P4HA2: variants seen among roughly 807,000 people sequenced by gnomAD.
The protein encoded by P4HA2 is prolyl 4-hydroxylase subunit alpha-2.
Under a neutral mutation model 76.9 loss-of-function variants are expected in P4HA2, and 46 were observed. The observed-to-expected ratio is 0.60, with a 90% confidence interval of 0.47 to 0.76. The LOEUF (loss-of-function observed/expected upper bound fraction) is 0.76, where lower values mean the gene tolerates loss of function less well. Among genes scored for constraint, P4HA2 ranks in the 30% least tolerant of loss-of-function variants. The pLI is 0.00. For synonymous variants in P4HA2, 243 were observed against 254.0 expected (o/e 0.96, Z 0.41); for missense variants, 583 against 669.4 (o/e 0.87, Z 1.42).
At chr5:132,217,712 G>GCCCTT in intron 3 of P4HA2, 40 bp downstream of exon 3, 1 of 1,238,622 alleles carries the variant, frequency 8.1e-7, no homozygotes, top group Non-Finnish European at 1.2e-6. Flanking sequence ...GGGCAGAAGG[G>GCCCTT]AAGGAAGGCC....
chr5:132,195,349 G>C, intron 13 of P4HA2, 63 bp downstream of exon 13: 2 of 1,202,160 alleles, frequency 1.7e-6, no homozygotes. Context: ...GGTACTGGGG[G>C]ACATGGACAA....
intron 12 of P4HA2, 139 bp downstream of exon 12, chr5:132,198,182 C>T (rs1488274813): frequency 6.2e-7 from 1 of 1,613,970 alleles, no homozygotes; most frequent in Non-Finnish European, 8.5e-7. Context: ...CCCCTTAGGG[C>T]TCATCAGCAC....
intron 2 of P4HA2, 89 bp downstream of exon 2, chr5:132,218,456 C>G (rs772424140): frequency 2.0e-5 from 18 of 878,058 alleles, no homozygotes; most frequent in Non-Finnish European, 3.2e-5. Flanking sequence ...TAAGGCTATC[C>G]CACTCTAAAT....
rs575757938 is a variant in P4HA2, at chr5:132,222,991, A to G, written c.-18-4347T>C. Among the ~76,000 whole-genome samples, 3 of 152,338 alleles carry G rather than the reference A, an allele frequency of 2.0e-5. No homozygotes were observed. In the East Asian group the frequency reaches 5.8e-4, roughly 29 times the overall value. On this transcript the variant is annotated intron_variant, in intron 1 of 14. Coordinates refer to ENST00000360568, the MANE Select transcript of P4HA2 (RefSeq NM_001017974.2). ...TTGAGGATAAAATCCATATACCACT[A>G]TATTGGATGCATCTTACGTCCCACC...
At chr5:132,194,748 A>G (rs2278398) in intron 14 of P4HA2, among the ~76,000 whole-genome samples, 178 bp downstream of exon 14, 51,731 of 152,104 alleles carry the variant, frequency 0.34, 9,934 homozygotes, top group Non-Finnish European at 0.45. Flanking sequence ...CTGCCTTGGC[A>G]TTTACCAGCT....
intron 1 of P4HA2, among the ~76,000 whole-genome samples, chr5:132,220,838 T>C (rs1014139428): frequency 3.9e-5 from 6 of 152,156 alleles, no homozygotes; most frequent in African/African-American, 1.4e-4. Flanking sequence ...TAATTACAGA[T>C]GACTTACCTA....
At chr5:132,227,176 G>A (rs1208742014) in intron 1 of P4HA2, 1 of 152,288 alleles carries the variant, frequency 6.6e-6, no homozygotes, top group Non-Finnish European at 1.5e-5. Context: ...ACACAGAAGG[G>A]TCCCGTTTGT....
In P4HA2 at chr5:132,212,002, C is replaced by T. The variant is rs559427657; in HGVS notation, c.470-1479G>A. On this transcript the variant is annotated intron_variant, in intron 5 of 14. Transcript: ENST00000360568. ...ATGGCTCCCTGGCACTCAGCATCCT[C>T]CCCAGAGCCAACTCGAATGTCTACT... Among the ~76,000 whole-genome samples, 6 of 152,292 alleles carry T rather than the reference C, an allele frequency of 3.9e-5. No individual in the cohort carries two copies. In the South Asian group the frequency reaches 1.2e-3, roughly 32 times the overall value.
rs113592033 is a variant in P4HA2 at position 132,207,564 on chromosome 5, G to T, written c.1080+144C>A. On this transcript the variant is annotated intron_variant, in intron 8 of 14. Coordinates refer to ENST00000360568, the MANE Select transcript of P4HA2 (RefSeq NM_001017974.2). Reference sequence around the variant, plus strand: ...CTCACAAGGTCAGGCTGAGTCTGAAGCATCTCTGTATCCCCACGGTAGGCC... The same window carrying T: ...CTCACAAGGTCAGGCTGAGTCTGAATCATCTCTGTATCCCCACGGTAGGCC... The T allele has an allele frequency of 5.2e-3, 3,318 of 640,146 alleles. 83 individuals are homozygous for T. The highest frequency in any genetic ancestry group is 0.052 in the African/African-American group (2,811 of 54,256). The allele number at this position is 640,146 out of a possible 1,614,324, so 39.7% of individuals were successfully genotyped here.
intron 6 of P4HA2, 26 bp from the exon 7 acceptor site, chr5:132,209,357 A>G (rs765941411): frequency 6.3e-7 from 1 of 1,574,808 alleles, no homozygotes; most frequent in Non-Finnish European, 8.7e-7. Context: ...AATGAGAAGG[A>G]AAAGGAAACC....
At chr5:132,195,290 C>A in intron 13 of P4HA2, 122 bp downstream of exon 13, 1 of 780,760 alleles carries the variant, frequency 1.3e-6, no homozygotes, top group South Asian at 1.5e-5. Flanking sequence ...AGGTCAGACC[C>A]CAGGTGGGCT....
At chr5:132,193,106 C>T (rs749257773) in intron 14 of P4HA2, 26 bp from the exon 15 acceptor site, 8 of 1,562,756 alleles carry the variant, frequency 5.1e-6, no homozygotes, top group Non-Finnish European at 6.2e-6. Context: ...AAGCATGTTA[C>T]AATCCTATTG....
chr5:132,223,275 G>GT (rs548881672), intron 1 of P4HA2, among the ~76,000 whole-genome samples: 401 of 152,148 alleles, frequency 2.6e-3, no homozygotes, highest in Non-Finnish European at 2.4e-3. Context: ...TTTTTCTTTT[G>GT]TTTTTTTGAG....
At position 132,191,372 on chromosome 5, in the gene P4HA2, C is replaced by T. The variant is rs111746247; in HGVS notation, c.*1638G>A. On this transcript the variant is annotated 3_prime_UTR_variant, in exon 15 of 15. Coordinates refer to ENST00000360568, the MANE Select transcript of P4HA2 (RefSeq NM_001017974.2). ...CTAAAAATACAAAAAATTAGCCGGG[C>T]GTAGTGGCGGGCGCCTGTAGTCCCA... 0.015 allele frequency among the ~76,000 whole-genome samples: 2,243 copies of T among 151,420 alleles called. 39 individuals carry two copies. Among genetic ancestry groups the T allele is most frequent in the African/African-American group, 0.038 (1,557 of 41,242 alleles).
At chr5:132,218,074 A>G (rs1355701402) in intron 2 of P4HA2, among the ~76,000 whole-genome samples, 2 of 152,226 alleles carry the variant, frequency 1.3e-5, no homozygotes, top group African/African-American at 4.8e-5. Context: ...GATGTTTGAG[A>G]TAAGTGCACT....
chr5:132,199,186 T>C (rs1161220617), intron 10 of P4HA2, among the ~76,000 whole-genome samples: 1 of 152,144 alleles, frequency 6.6e-6, no homozygotes, highest in Non-Finnish European at 1.5e-5. Flanking sequence ...GTGAACTGCA[T>C]ATGATCACTG....
intron 12 of P4HA2, 52 bp downstream of exon 12, chr5:132,198,269 A>C: frequency 6.2e-7 from 1 of 1,614,242 alleles, no homozygotes; most frequent in Non-Finnish European, 8.5e-7. Flanking sequence ...CTCGCTCATC[A>C]TTCTACAAAA....
At chr5:132,197,572 C>A (rs932967562) in intron 12 of P4HA2, among the ~76,000 whole-genome samples, 5 of 141,042 alleles carry the variant, frequency 3.5e-5, no homozygotes, top group Admixed American at 2.9e-4. Context: ...CCCACCACTG[C>A]ACTCCAGTCT....
At chr5:132,209,409 G>T (rs1032188736) in intron 6 of P4HA2, 78 bp from the exon 7 acceptor site, 4 of 1,178,930 alleles carry the variant, frequency 3.4e-6, no homozygotes, top group Admixed American at 3.8e-5. Context: ...ATTCTGTAAG[G>T]GTTTCTCTCC....
Sources: allele counts gnomAD v4.1 joint callset (sites outside exome capture counted in the v4.1 genomes callset), GRCh38; gene constraint gnomAD v4.1.1; transcripts MANE v1.5; gene names NCBI Gene and HGNC (gene_info 2026-07-23, HGNC 2026-07-21).